The following CEP112 variants were observed in gnomAD, a reference collection of about 807,000 sequenced individuals.
CEP112 encodes centrosomal protein of 112 kDa.
A neutral mutation model predicts 153.0 loss-of-function variants in CEP112; 127 were observed. That is an observed-to-expected ratio of 0.83 (90% CI 0.72 to 0.96). The LOEUF (loss-of-function observed/expected upper bound fraction) is 0.96. CEP112 is among the 40% of genes least tolerant of loss of function. CEP112 has a pLI of 0.00. For missense variants in CEP112, 1,089 were observed against 1,101.2 expected, an observed-to-expected ratio of 0.99 and a Z score of 0.16; for synonymous variants, 358 against 374.4, an observed-to-expected ratio of 0.96 and a Z score of 0.51.
intron 19 of CEP112, among the ~76,000 whole-genome samples, chr17:65,908,511 C>G (rs2060166362): frequency 1.3e-5 from 2 of 152,130 alleles, no homozygotes; most frequent in South Asian, 2.1e-4. Flanking sequence ...GCCTGACCAA[C>G]AAGGAGAAAC....
At chr17:66,178,287 T>C (rs2072573531) in intron 2 of CEP112, among the ~76,000 whole-genome samples, 1 of 152,196 alleles carries the variant, frequency 6.6e-6, no homozygotes, top group Non-Finnish European at 1.5e-5. Context: ...CTCACTGCAG[T>C]TTTTATCTGC....
At chr17:65,669,207 GC>G (rs1420798465) in intron 24 of CEP112, among the ~76,000 whole-genome samples, 1 of 152,088 alleles carries the variant, frequency 6.6e-6, no homozygotes, top group Non-Finnish European at 1.5e-5. Context: ...TTTTACTACT[GC>G]CTATTACTGA....
intron 21 of CEP112, among the ~76,000 whole-genome samples, chr17:65,755,669 C>T (rs1256766935): frequency 1.3e-5 from 2 of 151,766 alleles, no homozygotes; most frequent in Non-Finnish European, 2.9e-5. Flanking sequence ...GTAGAACCAA[C>T]TGGACATACC....
At chr17:65,984,235 T>C (rs1168500107) in intron 17 of CEP112, among the ~76,000 whole-genome samples, 1 of 152,150 alleles carries the variant, frequency 6.6e-6, no homozygotes, top group Non-Finnish European at 1.5e-5. Flanking sequence ...ACAGAGAACA[T>C]AAAATGTTGT....
chr17:65,705,700 G>C (rs1180639405), intron 23 of CEP112, among the ~76,000 whole-genome samples: 1 of 152,116 alleles, frequency 6.6e-6, no homozygotes. Context: ...AATGACATGG[G>C]AAAAAAGTGA....
rs184195473 is a variant in CEP112, at chr17:66,037,978, G to A, written c.1219-7955C>T. Among the ~76,000 whole-genome samples, 9 of 151,930 alleles carry A rather than the reference G, an allele frequency of 5.9e-5. No homozygotes were observed. In the East Asian group the frequency reaches 1.5e-3, roughly 26 times the overall value. ...AACCAATCTAGCTGGTACTGTCTGTGAAGGCTGACATAAGGTTAGGAAGTC... is the reference window on the plus strand; with the variant it reads ...AACCAATCTAGCTGGTACTGTCTGTAAAGGCTGACATAAGGTTAGGAAGTC... On this transcript the variant is annotated intron_variant, in intron 12 of 26. Coordinates refer to ENST00000535342, the MANE Select transcript of CEP112 (RefSeq NM_001199165.4).
intron 8 of CEP112, among the ~76,000 whole-genome samples, chr17:66,087,542 T>C (rs2067984476): frequency 6.6e-6 from 1 of 152,132 alleles, no homozygotes; most frequent in Non-Finnish European, 1.5e-5. Context: ...ACACCAGGAT[T>C]ATACAAGAAA....
intron 4 of CEP112, among the ~76,000 whole-genome samples, chr17:66,153,873 G>T (rs1224335180): frequency 6.6e-6 from 1 of 151,902 alleles, no homozygotes; most frequent in African/African-American, 2.4e-5. Context: ...TACACAAATG[G>T]TGCCAAGGGC....
rs560904215 is a variant in CEP112 at position 65,830,275 on chromosome 17, GC to G, written c.2394+21528del. 2.8e-3 allele frequency among the ~76,000 whole-genome samples: 431 copies of G among 152,236 alleles called. 1 individual carries two copies. The highest frequency in any genetic ancestry group is 0.01 in the African/African-American group (416 of 41,528). ...GGAGGAAAGCAGAGAAACTCCCTGG[GC>G]CCCCAGAATCAAGAGAAGCCATGAC... On this transcript the variant is annotated intron_variant, in intron 21 of 26. Coordinates refer to ENST00000535342, the MANE Select transcript of CEP112 (RefSeq NM_001199165.4).
At chr17:65,642,543 T>C (rs1034012305) in intron 24 of CEP112, among the ~76,000 whole-genome samples, 7 of 152,220 alleles carry the variant, frequency 4.6e-5, no homozygotes, top group Non-Finnish European at 1.0e-4. Context: ...GTTATAATCC[T>C]GTGACTTATA....
intron 8 of CEP112, among the ~76,000 whole-genome samples, chr17:66,088,516 T>C (rs2068023578): frequency 6.6e-6 from 1 of 151,954 alleles, no homozygotes; most frequent in African/African-American, 2.4e-5. Context: ...ACATACCCAA[T>C]GTCAGGCCAG....
intron 18 of CEP112, among the ~76,000 whole-genome samples, chr17:65,950,696 T>TTAG (rs1555727454): frequency 1.0e-5 from 1 of 97,400 alleles, no homozygotes; most frequent in African/African-American, 3.5e-5. Context: ...TCTGGATACA[T>TTAG]TACTAGTAGT....
At chr17:65,802,332 C>T (rs1385829737) in intron 21 of CEP112, among the ~76,000 whole-genome samples, 1 of 152,174 alleles carries the variant, frequency 6.6e-6, no homozygotes, top group East Asian at 1.9e-4. Context: ...TCTCTTATTC[C>T]ACAAAATTTC....
chr17:65,935,006 C>T (rs866482038), intron 18 of CEP112, among the ~76,000 whole-genome samples: 1 of 152,176 alleles, frequency 6.6e-6, no homozygotes, highest in African/African-American at 2.4e-5. Context: ...CACCCACTAT[C>T]AAGAGAACTG....
At chr17:65,931,904 T>C (rs1189727686) in intron 18 of CEP112, among the ~76,000 whole-genome samples, 3 of 152,212 alleles carry the variant, frequency 2.0e-5, no homozygotes, top group Non-Finnish European at 4.4e-5. Context: ...AGCATCTAGC[T>C]TTGCCCATCT....
intron 17 of CEP112, among the ~76,000 whole-genome samples, chr17:65,964,284 C>T (rs1175271032): frequency 6.6e-6 from 1 of 152,150 alleles, no homozygotes; most frequent in Non-Finnish European, 1.5e-5. Flanking sequence ...TGAATATTAG[C>T]TCAAAGATAA....
At chr17:65,761,716 G>A (rs1251516999) in intron 21 of CEP112, among the ~76,000 whole-genome samples, 1 of 151,978 alleles carries the variant, frequency 6.6e-6, no homozygotes, top group Non-Finnish European at 1.5e-5. Flanking sequence ...CTATCTTTCT[G>A]TTGATTTCTA....
At chr17:65,659,822 G>T (rs1266604417) in intron 24 of CEP112, among the ~76,000 whole-genome samples, 1 of 152,214 alleles carries the variant, frequency 6.6e-6, no homozygotes, top group Non-Finnish European at 1.5e-5. Context: ...GCCAGGAAGG[G>T]AACAGGAGAC....
chr17:66,014,268 G>T (rs2064672843), intron 16 of CEP112, among the ~76,000 whole-genome samples: 1 of 152,116 alleles, frequency 6.6e-6, no homozygotes, highest in African/African-American at 2.4e-5. Context: ...TGGCAATCTG[G>T]CACAGTCTGC....
Sources: allele counts gnomAD v4.1 joint callset (sites outside exome capture counted in the v4.1 genomes callset), GRCh38; gene constraint gnomAD v4.1.1; transcripts MANE v1.5; gene names NCBI Gene and HGNC (gene_info 2026-07-23, HGNC 2026-07-21).